The following DGKB variants were observed in gnomAD, a reference collection of about 807,000 sequenced individuals.
The protein encoded by DGKB is diacylglycerol kinase beta, also known as 90 kDa diacylglycerol kinase.
DGKB carries 67 observed loss-of-function variants against 114.3 expected under a neutral mutation model. The ratio of observed to expected loss-of-function variants is 0.59; its 90% CI spans 0.48 to 0.72. The LOEUF (loss-of-function observed/expected upper bound fraction) is 0.72. Ranked by LOEUF, DGKB falls within the 30% of genes least tolerant of loss-of-function variation. The pLI is 0.00. For missense variants in DGKB, 907 were observed against 975.2 expected (o/e 0.93, Z 0.93); for synonymous variants, 398 against 323.1 (o/e 1.23, Z -2.49).
intron 1 of DGKB, among the ~76,000 whole-genome samples, chr7:14,892,502 T>C (rs948825228): frequency 3.3e-5 from 5 of 151,192 alleles, no homozygotes; most frequent in Non-Finnish European, 7.4e-5. Flanking sequence ...TACATATATA[T>C]TTACATATAA....
At chr7:14,605,712 C>G (rs1158920619) in intron 17 of DGKB, among the ~76,000 whole-genome samples, 1 of 151,888 alleles carries the variant, frequency 6.6e-6, no homozygotes, top group Non-Finnish European at 1.5e-5. Context: ...GATGAGAGAA[C>G]AGGGCTAAAA....
intron 23 of DGKB, among the ~76,000 whole-genome samples, chr7:14,231,869 G>A (rs1486380330): frequency 6.6e-6 from 1 of 151,996 alleles, no homozygotes; most frequent in Non-Finnish European, 1.5e-5. Flanking sequence ...TGTGATTGAA[G>A]TATGTCAGTA....
chr7:14,252,646 G>A (rs1795406429), intron 23 of DGKB, among the ~76,000 whole-genome samples: 1 of 152,168 alleles, frequency 6.6e-6, no homozygotes, highest in Non-Finnish European at 1.5e-5. Flanking sequence ...CTTGTCCCTA[G>A]GCCTTGTCTC....
intron 23 of DGKB, among the ~76,000 whole-genome samples, chr7:14,249,102 C>T (rs1418970829): frequency 1.3e-5 from 2 of 152,100 alleles, no homozygotes; most frequent in African/African-American, 2.4e-5. Context: ...TTTAGGGGAT[C>T]ACATGGTTTT....
chr7:14,864,269 G>C (rs537949250), intron 1 of DGKB, among the ~76,000 whole-genome samples: 5 of 152,078 alleles, frequency 3.3e-5, no homozygotes, highest in African/African-American at 9.6e-5. Flanking sequence ...CACTTAAATA[G>C]CAGAATCTAT....
At chr7:14,291,142 CAAAAA>C (rs373171858) in intron 23 of DGKB, among the ~76,000 whole-genome samples, 3 of 86,380 alleles carry the variant, frequency 3.5e-5, no homozygotes, top group South Asian at 9.3e-4. Flanking sequence ...AACTCCGTCT[CAAAAA>C]AAAAAAAAAA....
intron 15 of DGKB, among the ~76,000 whole-genome samples, chr7:14,615,390 T>A (rs62445609): frequency 0.016 from 2,462 of 152,008 alleles, 29 homozygotes; most frequent in South Asian, 0.024. Flanking sequence ...GATATTTAAT[T>A]GTGAGAATAT....
At chr7:14,878,760 A>C (rs377704497) in intron 1 of DGKB, among the ~76,000 whole-genome samples, 3 of 140,968 alleles carry the variant, frequency 2.1e-5, no homozygotes, top group South Asian at 2.1e-4. Flanking sequence ...AAAAACAAAA[A>C]AAAAAAAACA....
chr7:14,470,516 T>C (rs1781124365), intron 21 of DGKB, among the ~76,000 whole-genome samples: 1 of 151,872 alleles, frequency 6.6e-6, no homozygotes, highest in Non-Finnish European at 1.5e-5. Context: ...ATTGTGAATG[T>C]CAGTAATTTA....
intron 21 of DGKB, among the ~76,000 whole-genome samples, chr7:14,382,133 G>A (rs1239329502): frequency 6.6e-6 from 1 of 152,204 alleles, no homozygotes; most frequent in Non-Finnish European, 1.5e-5. Flanking sequence ...GGTAGCAGCT[G>A]TCTGGATAGT....
intron 13 of DGKB, among the ~76,000 whole-genome samples, chr7:14,649,140 G>A (rs1030079226): frequency 7.0e-5 from 8 of 114,618 alleles, no homozygotes; most frequent in African/African-American, 2.4e-4. Context: ...AGGAAATACA[G>A]AGAACGCCAC....
At chr7:14,271,570 T>C (rs1429519445) in intron 23 of DGKB, among the ~76,000 whole-genome samples, 1 of 152,120 alleles carries the variant, frequency 6.6e-6, no homozygotes, top group East Asian at 1.9e-4. Flanking sequence ...CAACCAAACT[T>C]AGGATCCCAG....
At chr7:14,786,139 TACAC>T (rs367551082) in intron 2 of DGKB, among the ~76,000 whole-genome samples, 14 of 148,434 alleles carry the variant, frequency 9.4e-5, no homozygotes, top group African/African-American at 2.5e-4. Flanking sequence ...CAGGAACATG[TACAC>T]ACACACACAC....
intron 20 of DGKB, among the ~76,000 whole-genome samples, chr7:14,558,859 C>T (rs577733565): frequency 1.3e-5 from 2 of 152,308 alleles, no homozygotes; most frequent in South Asian, 4.1e-4. Flanking sequence ...ACTCAACCCA[C>T]TTGGGGAGAA....
chr7:14,534,186 T>C (rs1420145313), intron 20 of DGKB, among the ~76,000 whole-genome samples: 4 of 151,808 alleles, frequency 2.6e-5, no homozygotes, highest in Non-Finnish European at 5.9e-5. Context: ...AGAATAAAAG[T>C]ATAGAGGGCT....
intron 17 of DGKB, among the ~76,000 whole-genome samples, chr7:14,586,611 T>C (rs373296480): frequency 1.3e-5 from 2 of 152,028 alleles, no homozygotes; most frequent in East Asian, 1.9e-4. Context: ...AAAGGAGAAG[T>C]CAATGCCTGG....
At chr7:14,590,601 T>A (rs1363083653) in intron 17 of DGKB, among the ~76,000 whole-genome samples, 1 of 152,122 alleles carries the variant, frequency 6.6e-6, no homozygotes, top group African/African-American at 2.4e-5. Flanking sequence ...CCTCTCTTTA[T>A]CTCAATTTCT....
At chr7:14,171,451 A>C (rs1780981542) in intron 25 of DGKB, among the ~76,000 whole-genome samples, 1 of 152,196 alleles carries the variant, frequency 6.6e-6, no homozygotes, top group African/African-American at 2.4e-5. Context: ...TGTCATGAGT[A>C]ATAATACATG....
At chr7:14,900,306 A>G (rs1227359912) in intron 1 of DGKB, among the ~76,000 whole-genome samples, 1 of 152,190 alleles carries the variant, frequency 6.6e-6, no homozygotes, top group Non-Finnish European at 1.5e-5. Flanking sequence ...CAACAGGAAT[A>G]GGCTTCTTCA....
Sources: allele counts gnomAD v4.1 joint callset (sites outside exome capture counted in the v4.1 genomes callset), GRCh38; gene constraint gnomAD v4.1.1; transcripts MANE v1.5; gene names NCBI Gene and HGNC (gene_info 2026-07-23, HGNC 2026-07-21).